Variants in ADAM23 observed in about 807,000 individuals in gnomAD.
ADAM23 encodes the protein disintegrin and metalloproteinase domain-containing protein 23.
ADAM23 carries 33 observed loss-of-function variants against 120.1 expected under a neutral mutation model. The ratio of observed to expected loss-of-function variants is 0.27; its 90% CI spans 0.21 to 0.37. The LOEUF (loss-of-function observed/expected upper bound fraction) is 0.37. ADAM23 is among the 10% of genes least tolerant of loss of function. ADAM23 has a pLI of 1.00. For missense variants in ADAM23, 862 were observed against 1,058.2 expected, an observed-to-expected ratio of 0.81 and a Z score of 2.57; for synonymous variants, 367 against 375.2, an observed-to-expected ratio of 0.98 and a Z score of 0.25.
Position 206,456,324 on chromosome 2 carries a change from A to G in ADAM23, c.432+10800A>G, listed in dbSNP as rs188195875. On this transcript the variant is annotated intron_variant, in intron 2 of 25. Transcript: ENST00000264377. ...ACTCACTCACTCTCATGAGAACAGCATGAGGGAAATCCACCCCCGAGATCC... is the reference window on the plus strand; with the variant it reads ...ACTCACTCACTCTCATGAGAACAGCGTGAGGGAAATCCACCCCCGAGATCC... Among the ~76,000 whole-genome samples, 6 of 152,056 alleles carry G rather than the reference A, an allele frequency of 3.9e-5. No individual in the cohort carries two copies. In the East Asian group the frequency reaches 1.2e-3, roughly 30 times the overall value.
intron 18 of ADAM23, among the ~76,000 whole-genome samples, chr2:206,574,634 A>G (rs1157270448): frequency 6.6e-6 from 1 of 152,186 alleles, no homozygotes; most frequent in African/African-American, 2.4e-5. Flanking sequence ...AATGTAGAAA[A>G]TAAGGAATAA....
chr2:206,491,111 A>AC (rs1389906560), intron 3 of ADAM23, among the ~76,000 whole-genome samples: 1 of 152,106 alleles, frequency 6.6e-6, no homozygotes, highest in Non-Finnish European at 1.5e-5. Context: ...AAAATCCAGC[A>AC]TAACTCTTGG....
At position 206,520,242 on chromosome 2, in the gene ADAM23, A is replaced by G. The variant is rs550378372; in HGVS notation, c.510-10643A>G. Among the ~76,000 whole-genome samples, 22 of 152,244 alleles carry G rather than the reference A, an allele frequency of 1.4e-4. No individual in the cohort carries two copies. In the South Asian group the frequency reaches 4.4e-3, roughly 30 times the overall value. On this transcript the variant is annotated intron_variant, in intron 3 of 25. Coordinates refer to ENST00000264377, the MANE Select transcript of ADAM23 (RefSeq NM_003812.4). The stretch of plus-strand genomic sequence containing the variant: ...GCCCCTGTCTCAGTTCAGCCAGTAG[A>G]TATATTCCAGGCTCAGGTTGTGGTG...
intron 2 of ADAM23, among the ~76,000 whole-genome samples, chr2:206,455,045 A>G (rs572016121): frequency 1.4e-4 from 22 of 152,362 alleles, no homozygotes; most frequent in Non-Finnish European, 2.2e-4. Flanking sequence ...GGGACTGTGT[A>G]TGGAAGCTCC....
At chr2:206,490,969 G>T (rs1197889939) in intron 3 of ADAM23, among the ~76,000 whole-genome samples, 1 of 152,090 alleles carries the variant, frequency 6.6e-6, no homozygotes, top group Non-Finnish European at 1.5e-5. Flanking sequence ...TTTACTTAGG[G>T]TGTCTATGCA....
intron 3 of ADAM23, among the ~76,000 whole-genome samples, chr2:206,508,326 G>A (rs559285815): frequency 3.3e-5 from 5 of 152,170 alleles, no homozygotes; most frequent in South Asian, 2.1e-4. Flanking sequence ...GTGTCCGGCC[G>A]CCTAGTTTAC....
At chr2:206,558,632 CA>C (rs2105820036) in intron 10 of ADAM23, among the ~76,000 whole-genome samples, 1 of 152,264 alleles carries the variant, frequency 6.6e-6, no homozygotes, top group Admixed American at 6.5e-5. Flanking sequence ...AGGAAAACCA[CA>C]AGTGAATGTG....
intron 17 of ADAM23, among the ~76,000 whole-genome samples, chr2:206,572,248 C>A (rs1183212429): frequency 1.3e-5 from 2 of 152,168 alleles, no homozygotes; most frequent in Non-Finnish European, 2.9e-5. Flanking sequence ...CTTTTAAAAT[C>A]CCCTGTAAAG....
At chr2:206,586,046 C>G (rs535196488) in intron 18 of ADAM23, among the ~76,000 whole-genome samples, 2 of 152,176 alleles carry the variant, frequency 1.3e-5, no homozygotes, top group South Asian at 4.2e-4. Context: ...AAATCCAGAG[C>G]GACAACGGGA....
intron 3 of ADAM23, among the ~76,000 whole-genome samples, chr2:206,520,615 A>G (rs1247568135): frequency 6.6e-6 from 1 of 152,078 alleles, no homozygotes; most frequent in Middle Eastern, 3.2e-3. Context: ...ATATGTGGAG[A>G]GGCTGCTCCT....
intron 9 of ADAM23, among the ~76,000 whole-genome samples, chr2:206,553,004 A>G (rs1027186691): frequency 2.0e-5 from 3 of 152,162 alleles, no homozygotes; most frequent in Non-Finnish European, 4.4e-5. Flanking sequence ...AGAAGTAGGT[A>G]TGATATGGTC....
intron 3 of ADAM23, among the ~76,000 whole-genome samples, chr2:206,523,353 GC>G (rs1417764948): frequency 6.6e-6 from 1 of 152,088 alleles, no homozygotes; most frequent in Non-Finnish European, 1.5e-5. Context: ...AACATTCTCT[GC>G]CTGCAGTTCT....
At chr2:206,566,885 T>G (rs976389406) in intron 14 of ADAM23, among the ~76,000 whole-genome samples, 5 of 151,870 alleles carry the variant, frequency 3.3e-5, no homozygotes. Context: ...TAATGAGATA[T>G]AGCAAATAAA....
intron 25 of ADAM23, among the ~76,000 whole-genome samples, chr2:206,610,324 T>C (rs1698803093): frequency 1.3e-5 from 2 of 152,182 alleles, no homozygotes; most frequent in South Asian, 4.1e-4. Flanking sequence ...GAGGAAACCA[T>C]GTAGTTGGAA....
intron 4 of ADAM23, among the ~76,000 whole-genome samples, chr2:206,533,170 C>G (rs1395611134): frequency 6.6e-6 from 1 of 151,944 alleles, no homozygotes; most frequent in Non-Finnish European, 1.5e-5. Context: ...ATAATGCAGC[C>G]TTTTTTCCCC....
At chr2:206,568,323 G>A (rs1036788313) in intron 15 of ADAM23, among the ~76,000 whole-genome samples, 2 of 152,070 alleles carry the variant, frequency 1.3e-5, no homozygotes, top group African/African-American at 2.4e-5. Context: ...TCCCTTATTC[G>A]TGTATTCTTA....
At chr2:206,472,842 T>C (rs1217126264) in intron 2 of ADAM23, among the ~76,000 whole-genome samples, 1 of 152,180 alleles carries the variant, frequency 6.6e-6, no homozygotes, top group Non-Finnish European at 1.5e-5. Flanking sequence ...TCCATCTTTT[T>C]CGGCTAGGTT....
At chr2:206,529,181 A>G (rs749683734) in intron 3 of ADAM23, among the ~76,000 whole-genome samples, 2 of 152,198 alleles carry the variant, frequency 1.3e-5, no homozygotes, top group African/African-American at 2.4e-5. Context: ...GTACTAGGCT[A>G]AGAAATGCAG....
At chr2:206,463,161 A>T (rs928041537) in intron 2 of ADAM23, among the ~76,000 whole-genome samples, 1 of 152,184 alleles carries the variant, frequency 6.6e-6, no homozygotes, top group Non-Finnish European at 1.5e-5. Flanking sequence ...ACCTGTGAAT[A>T]TGTTCTCTTG....
Sources: gnomAD v4.1 joint callset for allele counts (sites outside exome capture counted in the v4.1 genomes callset) on GRCh38, gnomAD v4.1.1 for gene constraint, MANE v1.5 for transcripts, NCBI Gene and HGNC (gene_info 2026-07-23, HGNC 2026-07-21) for gene names.